POU2AF2: variants seen among roughly 807,000 people sequenced by gnomAD.
POU2AF2 encodes POU class 2 homeobox associating factor 2, also known as POU domain class 2-associating factor 2.
the POU2AF2 span, among the ~76,000 whole-genome samples, chr11:111,256,423 AC>A: frequency 6.6e-6 from 1 of 152,336 alleles, no homozygotes; most frequent in Non-Finnish European, 1.5e-5. Context: ...GCCCTTGGAA[AC>A]AGAATTCCTA....
the POU2AF2 span, among the ~76,000 whole-genome samples, chr11:111,282,036 T>C: frequency 6.6e-6 from 1 of 152,176 alleles, no homozygotes; most frequent in Non-Finnish European, 1.5e-5. Flanking sequence ...AATATTTAAA[T>C]GTCTGTATGT....
the POU2AF2 span, among the ~76,000 whole-genome samples, chr11:111,280,806 G>A: frequency 0.01 from 1,549 of 152,322 alleles, 14 homozygotes; most frequent in South Asian, 0.017. Context: ...TGTATGCTGA[G>A]GTCAGACATT....
chr11:111,265,235 T>C, the POU2AF2 span, among the ~76,000 whole-genome samples: 2 of 152,192 alleles, frequency 1.3e-5, no homozygotes, highest in South Asian at 4.1e-4. Flanking sequence ...GTTCTCATCT[T>C]GCCTGTTAAG....
the POU2AF2 span, among the ~76,000 whole-genome samples, chr11:111,247,352 G>A: frequency 6.6e-6 from 1 of 152,186 alleles, no homozygotes; most frequent in African/African-American, 2.4e-5. Flanking sequence ...GCTTCTTTGG[G>A]TATTGGATTC....
chr11:111,278,925 T>C, the POU2AF2 span, among the ~76,000 whole-genome samples: 1 of 152,238 alleles, frequency 6.6e-6, no homozygotes, highest in Non-Finnish European at 1.5e-5. Context: ...GGATATTAGA[T>C]GCACCTGGTG....
the POU2AF2 span, among the ~76,000 whole-genome samples, chr11:111,259,546 C>T: frequency 6.6e-6 from 1 of 152,066 alleles, no homozygotes; most frequent in South Asian, 2.1e-4. Flanking sequence ...GAACTCCTGA[C>T]CTCAGGTAAT....
the POU2AF2 span, among the ~76,000 whole-genome samples, chr11:111,260,270 C>T: frequency 2.6e-5 from 4 of 152,098 alleles, no homozygotes; most frequent in African/African-American, 7.2e-5. Context: ...TTGCAGCTGA[C>T]AGCATGAGTA....
chr11:111,262,225 A>G, the POU2AF2 span, among the ~76,000 whole-genome samples: 1 of 152,230 alleles, frequency 6.6e-6, no homozygotes, highest in Non-Finnish European at 1.5e-5. Flanking sequence ...AAGTATGACA[A>G]TAGTACGTAT....
At chr11:111,285,682 C>T in the POU2AF2 span, 17 of 1,613,082 alleles carry the variant, frequency 1.1e-5, no homozygotes, top group Admixed American at 1.7e-5. Context: ...CGTTGCCTGA[C>T]GGTCTCAGCC....
the POU2AF2 span, chr11:111,286,067 A>T: frequency 5.0e-5 from 80 of 1,602,252 alleles, no homozygotes; most frequent in East Asian, 1.8e-3. Context: ...GGAGGGCCAA[A>T]TGACTTCTGG....
At chr11:111,265,473 C>G in the POU2AF2 span, among the ~76,000 whole-genome samples, 1 of 152,056 alleles carries the variant, frequency 6.6e-6, no homozygotes, top group East Asian at 1.9e-4. Context: ...GGTTCTGACT[C>G]TTGTGTGTGA....
the POU2AF2 span, among the ~76,000 whole-genome samples, chr11:111,274,924 T>A: frequency 6.6e-6 from 1 of 152,140 alleles, no homozygotes; most frequent in Non-Finnish European, 1.5e-5. Flanking sequence ...ATTCTCTCTA[T>A]GCTTAGGTTC....
the POU2AF2 span, chr11:111,285,738 G>C: frequency 1.2e-6 from 2 of 1,613,432 alleles, no homozygotes; most frequent in Non-Finnish European, 1.7e-6. Flanking sequence ...TTGCCACCCA[G>C]CACGAGTTGC....
chr11:111,277,240 A>G, the POU2AF2 span, among the ~76,000 whole-genome samples: 1 of 152,240 alleles, frequency 6.6e-6, no homozygotes, highest in East Asian at 1.9e-4. Context: ...CAGGTAGAGA[A>G]CAAAATCACA....
At chr11:111,263,907 A>G in the POU2AF2 span, among the ~76,000 whole-genome samples, 1 of 152,194 alleles carries the variant, frequency 6.6e-6, no homozygotes, top group African/African-American at 2.4e-5. Flanking sequence ...AGGTTATCAT[A>G]AGGATTACAT....
the POU2AF2 span, among the ~76,000 whole-genome samples, chr11:111,253,094 C>G: frequency 1.6e-4 from 25 of 151,988 alleles, no homozygotes; most frequent in African/African-American, 5.8e-4. Context: ...GCTTTATTCC[C>G]CTGGTTTTTC....
chr11:111,260,432 T>C, the POU2AF2 span, among the ~76,000 whole-genome samples: 1 of 152,338 alleles, frequency 6.6e-6, no homozygotes, highest in East Asian at 1.9e-4. Context: ...GAAGTATCTT[T>C]AGAAGAGGCC....
At chr11:111,246,961 T>C in the POU2AF2 span, among the ~76,000 whole-genome samples, 2 of 152,184 alleles carry the variant, frequency 1.3e-5, no homozygotes, top group Non-Finnish European at 2.9e-5. Context: ...CTACATCTCA[T>C]TTCCTCCCCC....
At chr11:111,280,818 G>C in the POU2AF2 span, among the ~76,000 whole-genome samples, 3,528 of 152,340 alleles carry the variant, frequency 0.023, 131 homozygotes, top group African/African-American at 0.078. Context: ...TCAGACATTG[G>C]TATGGTAAGA....
Sources: allele counts gnomAD v4.1 joint callset (sites outside exome capture counted in the v4.1 genomes callset), GRCh38; gene constraint gnomAD v4.1.1; transcripts MANE v1.5; gene names NCBI Gene and HGNC (gene_info 2026-07-23, HGNC 2026-07-21).